The following CAPN3 variants were observed in gnomAD, a reference collection of about 807,000 sequenced individuals.
CAPN3 encodes calpain-3.
CAPN3 carries 88 observed loss-of-function variants against 114.0 expected under a neutral mutation model. The observed-to-expected ratio is 0.77, with a 90% confidence interval of 0.65 to 0.92. The LOEUF (loss-of-function observed/expected upper bound fraction) is 0.92. Among genes scored for constraint, CAPN3 ranks in the 40% least tolerant of loss-of-function variants. CAPN3 has a pLI of 0.00. For synonymous variants in CAPN3, 386 were observed against 382.9 expected, an observed-to-expected ratio of 1.01 and a Z score of -0.09; for missense variants, 1,028 against 1,069.0, an observed-to-expected ratio of 0.96 and a Z score of 0.53.
At chr15:42,365,689 T>G (rs1292361094) in intron 1 of CAPN3, among the ~76,000 whole-genome samples, 1 of 152,134 alleles carries the variant, frequency 6.6e-6, no homozygotes, top group Non-Finnish European at 1.5e-5. Flanking sequence ...TCAGCCACAT[T>G]TCTCTGGTGT....
chr15:42,361,761 A>G (rs911422349), intron 1 of CAPN3, among the ~76,000 whole-genome samples: 1 of 152,134 alleles, frequency 6.6e-6, no homozygotes, highest in African/African-American at 2.4e-5. Context: ...GTCCAGGCCC[A>G]TGTCCATCCT....
intron 6 of CAPN3, among the ~76,000 whole-genome samples, chr15:42,391,646 A>T (rs1234670565): frequency 1.3e-5 from 2 of 152,206 alleles, no homozygotes; most frequent in African/African-American, 4.8e-5. Context: ...TAGAGAGCCT[A>T]TCCAGGGCTC....
At chr15:42,409,883 G>GGGGGGGGGCCC in intron 18 of CAPN3, 39 bp downstream of exon 18, 1 of 559,674 alleles carries the variant, frequency 1.8e-6, no homozygotes, top group Non-Finnish European at 3.5e-6. Context: ...GGTGGGTGGG[G>GGGGGGGGGCCC]AGTCCCGTTG....
At chr15:42,399,682 C>G (rs1296002201) in intron 10 of CAPN3, 30 bp downstream of exon 10, 44 of 1,561,606 alleles carry the variant, frequency 2.8e-5, no homozygotes, top group Non-Finnish European at 3.7e-5. Context: ...GGGGGAGGGT[C>G]TAAGCCGAAA....
chr15:42,405,975 T>A (rs1268095220), intron 15 of CAPN3, 32 bp downstream of exon 15: 1 of 1,592,958 alleles, frequency 6.3e-7, no homozygotes, highest in Admixed American at 1.7e-5. Flanking sequence ...ATGAAGTGTG[T>A]GTACTCATGC....
At chr15:42,395,849 C>G (rs1255893521) in intron 8 of CAPN3, among the ~76,000 whole-genome samples, 1 of 152,222 alleles carries the variant, frequency 6.6e-6, no homozygotes, top group Non-Finnish European at 1.5e-5. Flanking sequence ...CCTTACCTTT[C>G]CAGGGAGCAC....
At chr15:42,374,794 C>CTTTTTTT (rs66487749) in intron 1 of CAPN3, among the ~76,000 whole-genome samples, 9 of 85,452 alleles carry the variant, frequency 1.1e-4, no homozygotes, top group Non-Finnish European at 1.9e-4. Context: ...TATCATGTCT[C>CTTTTTTT]TTTTTTTTTT....
At chr15:42,399,411 C>T (rs1265010052) in intron 9 of CAPN3, 81 bp from the exon 10 acceptor site, 22 of 1,058,186 alleles carry the variant, frequency 2.1e-5, no homozygotes, top group Non-Finnish European at 2.8e-5. Flanking sequence ...TATTATTGTG[C>T]TGTGTTAGTC....
intron 9 of CAPN3, among the ~76,000 whole-genome samples, chr15:42,397,528 T>C (rs907193443): frequency 4.0e-5 from 6 of 151,738 alleles, no homozygotes; most frequent in African/African-American, 1.5e-4. Context: ...CCTGTAGTCC[T>C]AGCTGCTGGG....
chr15:42,389,183 G>A, intron 5 of CAPN3, 87 bp downstream of exon 5: 1 of 1,278,892 alleles, frequency 7.8e-7, no homozygotes, highest in Admixed American at 1.8e-5. Context: ...GAGCTTTTGT[G>A]TGGGACAGAG....
rs2141186364 is a variant in CAPN3, at chr15:42,396,815, C to T, written c.1131C>T (p.Ser377=). ...GSWSDRWKDW[S]FVDKDEKARL... ...TTCCCACCAGATGGAAGGACTGGAG[C>T]TTTGTGGACAAAGATGAGAAGGCCC... is the stretch of plus-strand genomic sequence containing the variant. Residue 377 remains serine, a synonymous_variant, in exon 9 of 24, where the codon AGC becomes AGT. Transcript: ENST00000397163. The T allele has an allele frequency of 1.9e-6, 3 of 1,613,972 alleles. No homozygotes were observed. The highest frequency in any genetic ancestry group is 2.5e-6 in the Non-Finnish European group (3 of 1,179,840).
chr15:42,390,092 C>A lies in CAPN3; in HGVS notation c.941C>A (p.Thr314Asn), dbSNP rs781522974. Residue 314 changes from threonine to asparagine, a missense_variant, in exon 6 of 24, where the codon ACC becomes AAC. Thr to Asn is a moderately conservative substitution (Grantham distance 65). Transcript: ENST00000397163. ...CCCAGAGGCTCAGATGAAAGACCGA[C>A]CCGGGTGTGTACACCTCCGATTATC... ...LDPRGSDERP[T>N]RTIIPVQYET... is the part of the protein sequence containing the mutation. 2 of 1,614,012 alleles carry A rather than the reference C, an allele frequency of 1.2e-6. No homozygotes were observed. The highest frequency in any genetic ancestry group is 1.7e-5 in the Admixed American group (1 of 59,996).
intron 16 of CAPN3, 189 bp from the exon 17 acceptor site, chr15:42,409,114 G>A (rs2054120110): frequency 1.6e-6 from 1 of 640,322 alleles, no homozygotes; most frequent in South Asian, 1.8e-5. Context: ...GGGCTGGAGA[G>A]GTGTGAAGAG....
intron 5 of CAPN3, among the ~76,000 whole-genome samples, chr15:42,389,302 C>T (rs2053491119): frequency 6.6e-6 from 1 of 152,206 alleles, no homozygotes; most frequent in Non-Finnish European, 1.5e-5. Flanking sequence ...TGGTCAAGGA[C>T]ATTTCAAGCC....
rs768832864 is a variant in CAPN3 at position 42,405,939 on chromosome 15, C to A, written c.1796C>A (p.Thr599Asn). 3.7e-6 allele frequency: 6 copies of A among 1,611,864 alleles called. No individual in the cohort carries two copies. Among genetic ancestry groups the A allele is most frequent in the South Asian group, 3.3e-5 (3 of 91,070 alleles). The change falls in exon 15 of 24, where the codon ACC becomes AAC. Residue 599 changes from threonine (T) to asparagine (N), a missense_variant. Transcript: ENST00000397163. Reference sequence around the variant, plus strand: ...TTTCTTATGCAGAAAAAGAAAAAAACCAAGGTAGGTGTGTGGGTAGAGAGC... The same window carrying A: ...TTTCTTATGCAGAAAAAGAAAAAAAACAAGGTAGGTGTGTGGGTAGAGAGC... ...SVDRPVKKKK[T>N]KPIIFVSDRA...
intron 10 of CAPN3, among the ~76,000 whole-genome samples, chr15:42,401,249 G>A (rs918226948): frequency 9.2e-5 from 14 of 152,010 alleles, no homozygotes; most frequent in African/African-American, 2.7e-4. Context: ...GGCATCATGC[G>A]CGTGTAGGGG....
At chr15:42,409,073 G>A in intron 16 of CAPN3, 1 of 573,490 alleles carries the variant, frequency 1.7e-6, no homozygotes, top group Non-Finnish European at 3.1e-6. Flanking sequence ...AGGCTGTATG[G>A]CCGCCATATC....
In CAPN3 at chr15:42,389,016, A is replaced by G. The variant is rs141948992; in HGVS notation, c.721A>G (p.Ile241Val). 511 of 1,613,902 alleles carry G rather than the reference A, an allele frequency of 3.2e-4. No individual in the cohort carries two copies. The highest frequency in any genetic ancestry group is 4.0e-4 in the Non-Finnish European group (470 of 1,179,992). The change falls in exon 5 of 24, where the codon ATC (isoleucine) becomes GTC (valine). Residue 241 changes from isoleucine (I) to valine (V), a missense_variant. By Grantham distance (29) the Ile-to-Val change is conservative. Transcript: ENST00000397163. ...AGGAGGGGTGGCAGAGTTTTTTGAG[A>G]TCAGGGATGCTCCTAGTGACATGTA... ...FTGGVAEFFEIRDAPSDMYKI... is the reference protein window; with the variant it reads ...FTGGVAEFFEVRDAPSDMYKI...
intron 15 of CAPN3, 32 bp from the exon 16 acceptor site, chr15:42,408,179 C>A (rs370649556): frequency 6.8e-7 from 1 of 1,466,160 alleles, no homozygotes; most frequent in African/African-American, 1.4e-5. Flanking sequence ...GTAATCCTCC[C>A]TTCCTTCCTG....
Sources: allele counts gnomAD v4.1 joint callset (sites outside exome capture counted in the v4.1 genomes callset), GRCh38; gene constraint gnomAD v4.1.1; transcripts MANE v1.5; gene names NCBI Gene and HGNC (gene_info 2026-07-23, HGNC 2026-07-21).